BOD1L1: variants seen among roughly 807,000 people sequenced by gnomAD.
The protein encoded by BOD1L1 is biorientation of chromosomes in cell division protein 1-like 1.
Under a neutral mutation model 240.7 loss-of-function variants are expected in BOD1L1, and 86 were observed. That is an observed-to-expected ratio of 0.36 (90% CI 0.30 to 0.43). BOD1L1 has a LOEUF of 0.43. Ranked by LOEUF, BOD1L1 falls within the 20% of genes least tolerant of loss-of-function variation. The pLI is 1.00. For missense variants in BOD1L1, 3,554 were observed against 3,643.5 expected, an observed-to-expected ratio of 0.98 and a Z score of 0.63; for synonymous variants, 1,268 against 1,272.3, an observed-to-expected ratio of 1.00 and a Z score of 0.07.
At chr4:13,575,308 C>A (rs1208122048) in intron 25 of BOD1L1, among the ~76,000 whole-genome samples, 3 of 152,062 alleles carry the variant, frequency 2.0e-5, no homozygotes, top group Non-Finnish European at 4.4e-5. Context: ...ACTTTTTGAT[C>A]AATCTTGAAT....
At chr4:13,578,940 G>A (rs1712997855) in intron 22 of BOD1L1, among the ~76,000 whole-genome samples, 1 of 152,186 alleles carries the variant, frequency 6.6e-6, no homozygotes, top group African/African-American at 2.4e-5. Flanking sequence ...TTCTGCAGAT[G>A]TTACAATTTT....
chr4:13,588,805 T>C lies in BOD1L1; in HGVS notation c.8210-13A>G, dbSNP rs778391354. 18 of 1,541,194 alleles carry C rather than the reference T, an allele frequency of 1.2e-5. No individual in the cohort carries two copies. Among genetic ancestry groups the C allele is most frequent in the African/African-American group, 1.4e-5 (1 of 71,320 alleles). On this transcript the variant is annotated splice_polypyrimidine_tract_variant and intron_variant, in intron 14 of 25. Transcript: ENST00000040738. ...CCACTGGATATCTCTGAGTAATAAA[T>C]ACAAAAAAGAAAAAAAAATCTTAAA...
chr4:13,577,284 A>T lies in BOD1L1; in HGVS notation c.8884+119T>A, dbSNP rs918726354. The T allele has an allele frequency of 4.8e-5, 41 of 848,088 alleles. No individual in the cohort carries two copies. The South Asian group carries it at 6.6e-4, about 14-fold the overall frequency. The allele number at this position is 848,088 out of a possible 1,614,324, so 52.5% of individuals were successfully genotyped here. A position where few individuals can be genotyped will look rare whatever the true frequency, so the allele number is the denominator to read the frequency against. ...ACACGGGATTAGACCTATTTCACAC[A>T]TATTTATATAATATTAATATTAGCT... On this transcript the variant is annotated intron_variant, in intron 24 of 25. Coordinates refer to ENST00000040738, the MANE Select transcript of BOD1L1 (RefSeq NM_148894.3).
At position 13,603,573 on chromosome 4, in the gene BOD1L1, A is replaced by G. The variant is rs1715406978; in HGVS notation, c.3327T>C (p.Gly1109=). ...CTTGTTCAGGGATCAATGTCATATCACCACTCTTTTTTGGTCTCTGAAGGG... is the reference window on the plus strand; with the variant it reads ...CTTGTTCAGGGATCAATGTCATATCGCCACTCTTTTTTGGTCTCTGAAGGG... ...GSSLQRPKKS[G]DMTLIPEQEP... The change falls in exon 10 of 26, where the codon GGT becomes GGC. Residue 1109 remains glycine, a synonymous_variant. Coordinates refer to ENST00000040738, the MANE Select transcript of BOD1L1 (RefSeq NM_148894.3). 2 of 1,613,940 alleles carry G rather than the reference A, an allele frequency of 1.2e-6. No individual in the cohort carries two copies. Among genetic ancestry groups the G allele is most frequent in the East Asian group, 4.5e-5 (2 of 44,878 alleles).
chr4:13,598,693 CCTG>C (rs1253790053), intron 10 of BOD1L1, among the ~76,000 whole-genome samples: 3 of 152,174 alleles, frequency 2.0e-5, no homozygotes, highest in African/African-American at 7.2e-5. Context: ...GCCTCAGCCT[CCTG>C]CTTTTTCTCT....
At chr4:13,585,667 C>T (rs1713620363) in intron 17 of BOD1L1, among the ~76,000 whole-genome samples, 3 of 152,250 alleles carry the variant, frequency 2.0e-5, no homozygotes, top group Middle Eastern at 3.4e-3. Flanking sequence ...TGTGACCCCA[C>T]TCAAATCTCA....
At position 13,615,306 on chromosome 4, in the gene BOD1L1, A is replaced by AAGC. The variant is rs746106726; in HGVS notation, c.559+3_559+5dup. The AAGC allele has an allele frequency of 6.2e-7, 1 of 1,600,088 alleles. No individual in the cohort carries two copies. Among genetic ancestry groups the AAGC allele is most frequent in the South Asian group, 1.1e-5 (1 of 89,478 alleles). On this transcript the variant is annotated splice_donor_region_variant and intron_variant, in intron 3 of 25. Transcript: ENST00000040738. ...ATGGAACTGACCAAGAGTAAAAGCAAAGCACCTTGTGTAATAAGGGAAGTG... is the reference window on the plus strand; with the variant it reads ...ATGGAACTGACCAAGAGTAAAAGCAAAGCAGCACCTTGTGTAATAAGGGAAGTG...
chr4:13,601,979 T>C lies in BOD1L1; in HGVS notation c.4921A>G (p.Asn1641Asp). ...TCCTCTGTCACAACGCTATTTACAT[T>C]GGCTTCGATTTTAACTGCATGCACA... ...LAVHAVKIEANVNSVVTEEKD... is the reference protein window; with the variant it reads ...LAVHAVKIEADVNSVVTEEKD... Residue 1641 changes from asparagine to aspartate, a missense_variant, in exon 10 of 26, where the codon AAT becomes GAT. Around this residue, in one of 2 missense-constraint regions of BOD1L1, gnomAD observed 3,393 missense variants for 3,427.1 expected, o/e 0.99. Transcript: ENST00000040738. 4 of 1,614,024 alleles carry C rather than the reference T, an allele frequency of 2.5e-6. No homozygotes were observed. Among genetic ancestry groups the C allele is most frequent in the South Asian group, 1.1e-5 (1 of 91,090 alleles).
intron 18 of BOD1L1, 25 bp downstream of exon 18, chr4:13,582,627 T>C: frequency 6.5e-7 from 1 of 1,548,984 alleles, no homozygotes; most frequent in South Asian, 1.1e-5. Context: ...CTCAGTCAAT[T>C]TACCCAAGCA....
chr4:13,611,756 T>A (rs2108977519), intron 5 of BOD1L1, among the ~76,000 whole-genome samples: 1 of 152,350 alleles, frequency 6.6e-6, no homozygotes, highest in South Asian at 2.1e-4. Context: ...TTACCATTGT[T>A]AAGTTCAACA....
chr4:13,586,494 A>T lies in BOD1L1; in HGVS notation c.8354-19T>A, dbSNP rs112458510. 1.3e-6 allele frequency: 2 copies of T among 1,501,252 alleles called. No individual in the cohort carries two copies. The highest frequency in any genetic ancestry group is 9.2e-7 in the Non-Finnish European group (1 of 1,087,318). The allele number at this position is 1,501,252 out of a possible 1,614,324, so 93.0% of individuals were successfully genotyped here. ...TTATCATCTGTAAATCAGTTTAGAC[A>T]GAATCACAAAGGAACAAAAGCTAAA... On this transcript the variant is annotated intron_variant, in intron 16 of 25. Transcript: ENST00000040738.
At position 13,620,111 on chromosome 4, in the gene BOD1L1, A is replaced by G. The variant is rs376025224; in HGVS notation, c.244-44T>C. ...AGGTAAGTCTTCAAGGTTATACAGT[A>G]TCAATATTCACCTCTCAGAAAAGTA... On this transcript the variant is annotated intron_variant, in intron 1 of 25. Transcript: ENST00000040738. The G allele has an allele frequency of 4.6e-6, 7 of 1,529,226 alleles. No homozygotes were observed. The African/African-American group carries it at 9.6e-5, about 21-fold the overall frequency. 94.7% of individuals were successfully genotyped at this position (1,529,226 alleles called of 1,614,324 possible).
Position 13,576,987 on chromosome 4 carries a change from G to A in BOD1L1, c.8889C>T (p.Ser2963=). The change falls in exon 25 of 26, where the codon TCC becomes TCT. Residue 2963 remains serine (S), a synonymous_variant. Transcript: ENST00000040738. ...TCTGGCGTTTTCTTTCTGGCTCTGAGGATTCTGTTCAAATAGAAGGGTAAC... is the reference window on the plus strand; with the variant it reads ...TCTGGCGTTTTCTTTCTGGCTCTGAAGATTCTGTTCAAATAGAAGGGTAAC... ...RSLTVSDDAE[S]SEPERKRQKS... 6.2e-7 allele frequency: 1 copy of A among 1,613,540 alleles called. No homozygotes were observed. The highest frequency in any genetic ancestry group is 1.1e-5 in the South Asian group (1 of 91,062).
chr4:13,583,938 T>C (rs1032546307), intron 17 of BOD1L1, among the ~76,000 whole-genome samples: 3 of 152,214 alleles, frequency 2.0e-5, no homozygotes, highest in Non-Finnish European at 2.9e-5. Flanking sequence ...TCAAGTCCTC[T>C]GTGTTGTGGG....
At chr4:13,593,920 T>C (rs369864083) in intron 12 of BOD1L1, among the ~76,000 whole-genome samples, 63 of 152,324 alleles carry the variant, frequency 4.1e-4, no homozygotes, top group African/African-American at 1.5e-3. Context: ...TACATTCCTC[T>C]GGTCACAGTA....
At chr4:13,575,379 TA>T (rs1354933708) in intron 25 of BOD1L1, among the ~76,000 whole-genome samples, 2 of 152,028 alleles carry the variant, frequency 1.3e-5, no homozygotes, top group African/African-American at 2.4e-5. Context: ...AATTAAAAAT[TA>T]AAAAAATATA....
In BOD1L1 at chr4:13,602,126, C is replaced by T; in HGVS notation, c.4774G>A (p.Gly1592Ser). 1 of 1,614,016 alleles carries T rather than the reference C, an allele frequency of 6.2e-7. No individual in the cohort carries two copies. Among genetic ancestry groups the T allele is most frequent in the Non-Finnish European group, 8.5e-7 (1 of 1,179,894 alleles). ...AATCCCTCTGTGACAACAGCCCCAC[C>T]TTCTTCAGCTGCAGCAAAAACAGTG... is the stretch of plus-strand genomic sequence containing the variant. ...ECTVFAAAEEGGAVVTEGFAE... is the reference protein window; with the variant it reads ...ECTVFAAAEESGAVVTEGFAE... The change falls in exon 10 of 26, where the codon GGT becomes AGT. Residue 1592 changes from glycine (G) to serine (S), a missense_variant. Physicochemically the swap from Gly to Ser is moderately conservative, Grantham distance 56 (BLOSUM62 0). This residue lies in a region of BOD1L1 where 3,393 missense variants were observed against 3,427.1 expected (regional missense o/e 0.99). Coordinates refer to ENST00000040738, the MANE Select transcript of BOD1L1 (RefSeq NM_148894.3).
chr4:13,610,296 C>A (rs1001550038), intron 6 of BOD1L1, among the ~76,000 whole-genome samples: 1 of 152,154 alleles, frequency 6.6e-6, no homozygotes, highest in African/African-American at 2.4e-5. Flanking sequence ...AATAGCATTT[C>A]CATATCAATA....
chr4:13,604,711 C>G lies in BOD1L1; in HGVS notation c.2189G>C (p.Arg730Thr). ...TTTGTCTTCCGATGGAGTTTTCTCT[C>G]TTTCAGGCTTCTCCTTGGAGGATTT... Reference protein sequence around the residue: ...EVKSSKEKPEREKTPSEDKLS... With the variant: ...EVKSSKEKPETEKTPSEDKLS... The change falls in exon 10 of 26, where the codon AGA (arginine) becomes ACA (threonine). Residue 730 changes from arginine (R) to threonine (T), a missense_variant. Arg to Thr is a moderately conservative substitution (Grantham distance 71). This residue lies in a region of BOD1L1 where 3,393 missense variants were observed against 3,427.1 expected (regional missense o/e 0.99). Transcript: ENST00000040738. 1 of 1,602,498 alleles carries G rather than the reference C, an allele frequency of 6.2e-7. No homozygotes were observed. Among genetic ancestry groups the G allele is most frequent in the African/African-American group, 1.4e-5 (1 of 73,984 alleles).
Sources: allele counts gnomAD v4.1 joint callset (sites outside exome capture counted in the v4.1 genomes callset), GRCh38; gene constraint gnomAD v4.1.1; regional missense constraint gnomAD v4.1.1; transcripts MANE v1.5; gene names NCBI Gene and HGNC (gene_info 2026-07-23, HGNC 2026-07-21).